The following IPO5 variants were observed in gnomAD, a reference collection of about 807,000 sequenced individuals.
IPO5 encodes the protein importin-5.
In IPO5, 18 loss-of-function variants were observed where a neutral mutation model predicts 143.3. The ratio of observed to expected loss-of-function variants is 0.13; its 90% confidence interval spans 0.09 to 0.19. The LOEUF is 0.19. IPO5 is among the 10% of genes least tolerant of loss of function. IPO5 has a pLI of 1.00. For synonymous variants in IPO5, 477 were observed against 465.7 expected, an observed-to-expected ratio of 1.02 and a Z score of -0.31; for missense variants, 1,013 against 1,336.9, an observed-to-expected ratio of 0.76 and a Z score of 3.78.
intron 5 of IPO5, among the ~76,000 whole-genome samples, chr13:97,984,306 T>C (rs1402056777): frequency 2.0e-5 from 3 of 152,186 alleles, no homozygotes; most frequent in Non-Finnish European, 4.4e-5. Context: ...TAAAAACAGA[T>C]GACTGTTTTA....
At chr13:97,985,672 T>C (rs753984573) in intron 6 of IPO5, 59 bp downstream of exon 6, 2 of 1,155,948 alleles carry the variant, frequency 1.7e-6, no homozygotes, top group Non-Finnish European at 2.6e-6. Context: ...CCTTTTTTTT[T>C]TTTTTAATGG....
intron 2 of IPO5, among the ~76,000 whole-genome samples, chr13:97,956,519 G>A (rs1469927707): frequency 6.6e-6 from 1 of 151,960 alleles, no homozygotes; most frequent in Admixed American, 6.6e-5. Flanking sequence ...GTCTTCCCTG[G>A]GCACCCTATT....
In IPO5 at chr13:97,992,873, T is replaced by A. The variant is rs1395917892; in HGVS notation, c.670-19T>A. On this transcript the variant is annotated intron_variant, in intron 9 of 28. Transcript: ENST00000651721. ...TAAAGTGAATCTTCAGCACCGACTT[T>A]CTGTTTCATCTTTTCTAGGCGGTAA... 3 of 1,596,094 alleles carry A rather than the reference T, an allele frequency of 1.9e-6. No homozygotes were observed. Among genetic ancestry groups the A allele is most frequent in the Non-Finnish European group, 2.6e-6 (3 of 1,168,632 alleles).
rs2139844519 is a variant in IPO5, at chr13:98,014,110, T to A, written c.2221T>A (p.Tyr741Asn). 6.2e-7 allele frequency: 1 copy of A among 1,613,808 alleles called. No individual in the cohort carries two copies. The highest frequency in any genetic ancestry group is 8.5e-7 in the Non-Finnish European group (1 of 1,179,736). ...LECARVRGPE[Y>N]LTQMWHFMCD... The stretch of plus-strand genomic sequence containing the variant: ...GTGTGCAAGAGTCCGTGGTCCTGAG[T>A]ATCTCACACAGATGTGGCATTTTAT... Residue 741 changes from tyrosine (Y) to asparagine (N), a missense_variant, in exon 22 of 29, where the codon TAT becomes AAT. Around this residue, in one of 2 missense-constraint regions of IPO5, gnomAD observed 685 missense variants for 994.9 expected, o/e 0.69. Coordinates refer to ENST00000651721, the MANE Select transcript of IPO5 (RefSeq NM_002271.6).
chr13:97,971,677 G>T (rs545657752), intron 3 of IPO5, among the ~76,000 whole-genome samples: 1 of 152,094 alleles, frequency 6.6e-6, no homozygotes, highest in African/African-American at 2.4e-5. Context: ...GGCCAGGCGC[G>T]GTGGCTCAAG....
intron 4 of IPO5, among the ~76,000 whole-genome samples, chr13:97,980,473 C>T (rs139346333): frequency 2.6e-5 from 4 of 152,106 alleles, no homozygotes; most frequent in Non-Finnish European, 5.9e-5. Flanking sequence ...CCAACAGTTC[C>T]GCCTGGGCAA....
chr13:98,016,700 A>G (rs374864817), intron 24 of IPO5, 29 bp from the exon 25 acceptor site: 3 of 1,203,742 alleles, frequency 2.5e-6, no homozygotes, highest in East Asian at 2.7e-5. Context: ...TTTAATCCAT[A>G]TGAGTGTTTA....
At chr13:97,965,188 C>T (rs1336570179) in intron 2 of IPO5, among the ~76,000 whole-genome samples, 2 of 151,878 alleles carry the variant, frequency 1.3e-5, no homozygotes, top group Non-Finnish European at 2.9e-5. Flanking sequence ...CAGGGCCTGT[C>T]GGGGGGTGGG....
At chr13:97,977,076 G>A in intron 4 of IPO5, 1 of 168,978 alleles carries the variant, frequency 5.9e-6, no homozygotes. Context: ...TGCCGGGCGG[G>A]CCCGGGGCCC....
intron 8 of IPO5, 27 bp downstream of exon 8, chr13:97,990,249 A>G: frequency 6.9e-7 from 1 of 1,459,772 alleles, no homozygotes. Context: ...CTATTAATAT[A>G]ACCATCTATT....
At chr13:98,020,846 T>G in intron 27 of IPO5, 146 bp from the exon 28 acceptor site, 1 of 598,230 alleles carries the variant, frequency 1.7e-6, no homozygotes, top group South Asian at 2.4e-5. Flanking sequence ...TTTTTCTAAT[T>G]TATGTAGAAA....
intron 22 of IPO5, among the ~76,000 whole-genome samples, chr13:98,014,930 A>G (rs1228455052): frequency 6.8e-6 from 1 of 147,582 alleles, no homozygotes; most frequent in Non-Finnish European, 1.5e-5. Flanking sequence ...TTTTCCTCTC[A>G]GTTCATTCTC....
At chr13:97,982,854 TATTAA>T (rs1227910554) in intron 5 of IPO5, among the ~76,000 whole-genome samples, 1 of 152,232 alleles carries the variant, frequency 6.6e-6, no homozygotes, top group Admixed American at 6.5e-5. Flanking sequence ...GCATAAGAAT[TATTAA>T]ATTAAAGTGA....
intron 4 of IPO5, chr13:97,982,284 T>G (rs1886914485): frequency 2.1e-6 from 1 of 471,080 alleles, no homozygotes; most frequent in African/African-American, 2.0e-5. Flanking sequence ...ATTAGAAACA[T>G]TTGTTTAAGA....
Position 98,006,138 on chromosome 13 carries a change from G to A in IPO5, c.1506G>A (p.Gln502=), listed in dbSNP as rs770247583. 5.0e-6 allele frequency: 8 copies of A among 1,611,410 alleles called. No homozygotes were observed. The Admixed American group carries it at 1.0e-4, about 20-fold the overall frequency. Reference sequence around the variant, plus strand: ...TTGTGTCTTCCTTCTAGCTGATTCAGAAAGGCACCAAGTTAGTTTTGGAAC... The same window carrying A: ...TTGTGTCTTCCTTCTAGCTGATTCAAAAAGGCACCAAGTTAGTTTTGGAAC... ...IMVLKLQELI[Q]KGTKLVLEQV... is the part of the protein sequence containing the mutation. Residue 502 remains glutamine, a synonymous_variant, in exon 17 of 29, where the codon CAG becomes CAA. Transcript: ENST00000651721.
In IPO5 at chr13:97,967,122, A is replaced by G. The variant is rs144866151; in HGVS notation, c.-112-2601A>G. On this transcript the variant is annotated intron_variant, in intron 2 of 28. Coordinates refer to ENST00000651721, the MANE Select transcript of IPO5 (RefSeq NM_002271.6). ...CATATTTTCTATTTCTTCGTGAATC[A>G]CTTTTGATTTGCGTTTTTCTAGAAA... Among the ~76,000 whole-genome samples, 479 of 152,298 alleles carry G rather than the reference A, an allele frequency of 3.1e-3. 1 individual carries two copies. The highest frequency in any genetic ancestry group is 0.011 in the African/African-American group (445 of 41,568).
rs776942130 is a variant in IPO5 at position 97,989,145 on chromosome 13, G to A, written c.448G>A (p.Ala150Thr). 35 of 1,609,786 alleles carry A rather than the reference G, an allele frequency of 2.2e-5. No homozygotes were observed. The highest frequency in any genetic ancestry group is 4.3e-6 in the Non-Finnish European group (5 of 1,176,320). ...CTCTCAAAATGTGGGACTGCGGGAAGCTGCCCTTCACATTTTCTGGTATAT... is the reference window on the plus strand; with the variant it reads ...CTCTCAAAATGTGGGACTGCGGGAAACTGCCCTTCACATTTTCTGGTATAT... Reference protein sequence around the residue: ...VSSQNVGLREAALHIFWNFPG... With the variant: ...VSSQNVGLRETALHIFWNFPG... Residue 150 changes from alanine (A) to threonine (T), a missense_variant, in exon 7 of 29, where the codon GCT becomes ACT. This residue lies in a region of IPO5 where 328 missense variants were observed against 342.0 expected (regional missense o/e 0.96). Coordinates refer to ENST00000651721, the MANE Select transcript of IPO5 (RefSeq NM_002271.6).
rs1209706043 is a variant in IPO5, at chr13:97,957,792, CT to C, written c.-113+3600del. Among the ~76,000 whole-genome samples the C allele has an allele frequency of 2.6e-5, 4 of 152,238 alleles. No individual in the cohort carries two copies. The East Asian group carries it at 5.8e-4, about 22-fold the overall frequency. On this transcript the variant is annotated intron_variant, in intron 2 of 28. Transcript: ENST00000651721. ...TTACATGCATTAGTGGATTCCTTCT[CT>C]TTTTTATCTCTGAAGATTTCAGAAG...
Position 97,991,355 on chromosome 13 carries a change from T to A in IPO5, c.669+818T>A, listed in dbSNP as rs547740280. Among the ~76,000 whole-genome samples the A allele has an allele frequency of 5.9e-5, 9 of 152,324 alleles. No individual in the cohort carries two copies. The East Asian group carries it at 1.5e-3, about 26-fold the overall frequency. ...TAGACTAGGTGGCTTCCAAGTGATCTGTACAAATGCAATAGCTAAAACTGG... is the reference window on the plus strand; with the variant it reads ...TAGACTAGGTGGCTTCCAAGTGATCAGTACAAATGCAATAGCTAAAACTGG... On this transcript the variant is annotated intron_variant, in intron 9 of 28. Transcript: ENST00000651721.
Sources: gnomAD v4.1 joint callset for allele counts (sites outside exome capture counted in the v4.1 genomes callset) on GRCh38, gnomAD v4.1.1 for gene constraint, gnomAD v4.1.1 regional missense constraint, MANE v1.5 for transcripts, NCBI Gene and HGNC (gene_info 2026-07-23, HGNC 2026-07-21) for gene names.